Variants in SWT1 observed in about 807,000 individuals in gnomAD.
SWT1 encodes the protein transcriptional protein SWT1.
Under a neutral mutation model 107.3 loss-of-function variants are expected in SWT1, and 33 were observed. That is an observed-to-expected ratio of 0.31 (90% CI 0.23 to 0.41). The LOEUF (loss-of-function observed/expected upper bound fraction) is 0.41, where lower values mean the gene tolerates loss of function less well. SWT1 is among the 10% of genes least tolerant of loss of function. The pLI, the probability that SWT1 is intolerant of heterozygous loss-of-function variation, is 1.00. For missense variants in SWT1, 898 were observed against 1,028.9 expected, an observed-to-expected ratio of 0.87 and a Z score of 1.74; for synonymous variants, 345 against 348.3, an observed-to-expected ratio of 0.99 and a Z score of 0.11.
intron 4 of SWT1, chr1:185,171,623 A>G: frequency 1.9e-6 from 1 of 523,298 alleles, no homozygotes; most frequent in Non-Finnish European, 3.7e-6. Flanking sequence ...TCCGTCTTCT[A>G]TGGGGTGGGT....
chr1:185,221,183 G>A (rs1390820451), intron 14 of SWT1, among the ~76,000 whole-genome samples: 1 of 151,946 alleles, frequency 6.6e-6, no homozygotes, highest in East Asian at 1.9e-4. Context: ...TCACTCCCTG[G>A]ATCTAGTCTT....
chr1:185,266,099 A>T (rs1335296815), intron 16 of SWT1, among the ~76,000 whole-genome samples: 3 of 151,958 alleles, frequency 2.0e-5, no homozygotes, highest in Non-Finnish European at 2.9e-5. Context: ...AGTCTCGCTC[A>T]GTTGCCCAGG....
At chr1:185,161,405 C>A (rs182060152) in intron 2 of SWT1, among the ~76,000 whole-genome samples, 1 of 152,178 alleles carries the variant, frequency 6.6e-6, no homozygotes, top group East Asian at 1.9e-4. Context: ...TCAGACACTA[C>A]CTTAAGAAGT....
intron 10 of SWT1, among the ~76,000 whole-genome samples, chr1:185,202,426 C>T (rs1657957861): frequency 6.6e-6 from 1 of 152,016 alleles, no homozygotes; most frequent in Non-Finnish European, 1.5e-5. Context: ...ACTCCTACCT[C>T]AGAAGTTTGT....
intron 16 of SWT1, among the ~76,000 whole-genome samples, chr1:185,258,833 C>T (rs1283652751): frequency 6.6e-6 from 1 of 151,824 alleles, no homozygotes; most frequent in Non-Finnish European, 1.5e-5. Context: ...ATGCTTTTTT[C>T]AGTCTGAAGA....
intron 16 of SWT1, among the ~76,000 whole-genome samples, chr1:185,254,338 A>G (rs1317288428): frequency 7.5e-6 from 1 of 133,756 alleles, no homozygotes; most frequent in Admixed American, 7.3e-5. Context: ...TGATTGGAAT[A>G]GTTTCAGAAG....
chr1:185,196,368 A>G (rs1165854686), intron 10 of SWT1, among the ~76,000 whole-genome samples: 2 of 152,162 alleles, frequency 1.3e-5, no homozygotes, highest in African/African-American at 4.8e-5. Flanking sequence ...TACCAGTACC[A>G]TACTGTTTTT....
chr1:185,219,982 A>G (rs747456729), intron 14 of SWT1, among the ~76,000 whole-genome samples: 2 of 151,878 alleles, frequency 1.3e-5, no homozygotes, highest in Non-Finnish European at 2.9e-5. Context: ...TGTCTCTACA[A>G]CAAATAAAAA....
chr1:185,240,089 A>G (rs1387249623), intron 16 of SWT1, among the ~76,000 whole-genome samples: 2 of 152,074 alleles, frequency 1.3e-5, no homozygotes, highest in Non-Finnish European at 2.9e-5. Context: ...TGTTGTAGAT[A>G]TGTTTCTGTT....
chr1:185,286,719 ACTT>A (rs1460872398), intron 18 of SWT1, among the ~76,000 whole-genome samples: 9 of 151,982 alleles, frequency 5.9e-5, no homozygotes, highest in Admixed American at 4.6e-4. Flanking sequence ...TTATTTTGTG[ACTT>A]CTTTAGGATC....
intron 18 of SWT1, among the ~76,000 whole-genome samples, chr1:185,278,194 A>G (rs1215802796): frequency 6.6e-6 from 1 of 152,188 alleles, no homozygotes; most frequent in African/African-American, 2.4e-5. Context: ...ATGCTTGTGT[A>G]CCCTCCAAAC....
intron 11 of SWT1, 41 bp from the exon 12 acceptor site, chr1:185,204,659 G>A (rs140178906): frequency 1.3e-5 from 15 of 1,193,088 alleles, no homozygotes; most frequent in Non-Finnish European, 1.7e-5. Context: ...AATAATTACT[G>A]TTAGCATTCT....
chr1:185,191,434 C>A (rs1656940899), intron 10 of SWT1, among the ~76,000 whole-genome samples: 1 of 151,970 alleles, frequency 6.6e-6, no homozygotes, highest in Non-Finnish European at 1.5e-5. Flanking sequence ...CAGTTTTAAT[C>A]TGTATTTTAT....
At chr1:185,165,747 A>G (rs1407060466) in intron 2 of SWT1, among the ~76,000 whole-genome samples, 1 of 152,068 alleles carries the variant, frequency 6.6e-6, no homozygotes, top group African/African-American at 2.4e-5. Context: ...TCCTGACATA[A>G]TTTGCTTTTC....
chr1:185,166,446 T>C (rs1273637604), intron 2 of SWT1, 126 bp from the exon 3 acceptor site: 1 of 600,772 alleles, frequency 1.7e-6, no homozygotes, highest in Non-Finnish European at 2.9e-6. Context: ...CTGTAAACAT[T>C]GTTCCCCACC....
intron 18 of SWT1, among the ~76,000 whole-genome samples, chr1:185,278,336 G>C (rs34611062): frequency 0.52 from 78,777 of 152,042 alleles, 21,888 homozygotes; most frequent in African/African-American, 0.74. Flanking sequence ...TGAGAACACA[G>C]AGAAGGCACC....
rs958807404 is a variant in SWT1, at chr1:185,291,669, A to G, written c.*866A>G. The G allele has an allele frequency of 5.2e-5, 8 of 152,642 alleles. No individual in the cohort carries two copies. Among genetic ancestry groups the G allele is most frequent in the African/African-American group, 1.4e-4 (6 of 41,446 alleles). The allele number at this position is 152,642 out of a possible 1,614,324, so 9.5% of individuals were successfully genotyped here. A position where few individuals can be genotyped will look rare whatever the true frequency, so the allele number is the denominator to read the frequency against. On this transcript the variant is annotated 3_prime_UTR_variant, in exon 19 of 19. Coordinates refer to ENST00000367500, the MANE Select transcript of SWT1 (RefSeq NM_017673.7). The stretch of plus-strand genomic sequence containing the variant: ...ATAAATGTTTATTTTTTAAAGCAAT[A>G]AATAACTTATTTTTGGTAAGATTTG...
intron 16 of SWT1, among the ~76,000 whole-genome samples, chr1:185,250,386 A>G (rs1026312537): frequency 4.6e-5 from 7 of 152,182 alleles, no homozygotes; most frequent in Admixed American, 2.0e-4. Context: ...CAGTAATGCT[A>G]TTGTCTTCAT....
chr1:185,158,900 A>G (rs1653891643), intron 1 of SWT1, among the ~76,000 whole-genome samples: 1 of 152,196 alleles, frequency 6.6e-6, no homozygotes, highest in African/African-American at 2.4e-5. Flanking sequence ...TGCAGTGAAG[A>G]TATGTGCCAG....
Sources: gnomAD v4.1 joint callset for allele counts (sites outside exome capture counted in the v4.1 genomes callset) on GRCh38, gnomAD v4.1.1 for gene constraint, MANE v1.5 for transcripts, NCBI Gene and HGNC (gene_info 2026-07-23, HGNC 2026-07-21) for gene names.